Variants in SH3PXD2B observed in about 807,000 individuals in gnomAD.
SH3PXD2B encodes the protein SH3 and PX domain-containing protein 2B.
SH3PXD2B carries 37 observed loss-of-function variants against 73.1 expected under a neutral mutation model. The ratio of observed to expected loss-of-function variants is 0.51; its 90% confidence interval spans 0.39 to 0.67. The LOEUF is 0.67. SH3PXD2B is among the 30% of genes least tolerant of loss of function. SH3PXD2B has a pLI of 0.00. For missense variants in SH3PXD2B, 1,053 were observed against 1,197.8 expected, an observed-to-expected ratio of 0.88 and a Z score of 1.78; for synonymous variants, 457 against 480.5, an observed-to-expected ratio of 0.95 and a Z score of 0.64.
At position 172,341,398 on chromosome 5, in the gene SH3PXD2B, G is replaced by T. The variant is rs1486125810; in HGVS notation, c.1189-1482C>A. Among the ~76,000 whole-genome samples, 3 of 152,140 alleles carry T rather than the reference G, an allele frequency of 2.0e-5. 1 individual carries two copies. Among genetic ancestry groups the T allele is most frequent in the Non-Finnish European group, 4.4e-5 (3 of 68,024 alleles). ...GGGCAGATCCCTCATGAATGGCTTG[G>T]TGTCCTTCCCTTGGTAATGAGTTCC... On this transcript the variant is annotated intron_variant, in intron 12 of 12. Transcript: ENST00000311601.
Position 172,350,212 on chromosome 5 carries a change from T to C in SH3PXD2B, c.1012+151A>G. ...ACGGGCTGAATGATCTGGAATAAGTTACCCGGGGTTTCTGGGCCTCTGTTT... is the reference window on the plus strand; with the variant it reads ...ACGGGCTGAATGATCTGGAATAAGTCACCCGGGGTTTCTGGGCCTCTGTTT... On this transcript the variant is annotated intron_variant, in intron 10 of 12. Transcript: ENST00000311601. The C allele has an allele frequency of 5.6e-6, 4 of 711,152 alleles. No homozygotes were observed. In the South Asian group the frequency reaches 7.5e-5, roughly 13 times the overall value. The allele number at this position is 711,152 out of a possible 1,614,324, so 44.1% of individuals were successfully genotyped here.
At chr5:172,364,215 T>C (rs1043428240) in intron 6 of SH3PXD2B, among the ~76,000 whole-genome samples, 1 of 152,078 alleles carries the variant, frequency 6.6e-6, no homozygotes, top group South Asian at 2.1e-4. Flanking sequence ...GCTGGGTGAC[T>C]TTTAGAGCAG....
chr5:172,454,183 A>C, intron 1 of SH3PXD2B, 95 bp downstream of exon 1: 1 of 1,030,892 alleles, frequency 9.7e-7, no homozygotes, highest in Non-Finnish European at 1.4e-6. Flanking sequence ...AGGGGACGGG[A>C]AGCGCTGGAG....
At chr5:172,344,106 A>G (rs974821662) in intron 12 of SH3PXD2B, among the ~76,000 whole-genome samples, 1 of 152,132 alleles carries the variant, frequency 6.6e-6, no homozygotes, top group African/African-American at 2.4e-5. Context: ...CATCATCATC[A>G]TCATCATCAT....
chr5:172,405,780 T>C (rs1758542817), intron 3 of SH3PXD2B, among the ~76,000 whole-genome samples: 2 of 152,170 alleles, frequency 1.3e-5, no homozygotes, highest in South Asian at 2.1e-4. Flanking sequence ...AGCTATTAAA[T>C]TGGTGGTAAT....
chr5:172,425,000 G>A (rs566241781), intron 1 of SH3PXD2B, among the ~76,000 whole-genome samples: 62 of 152,128 alleles, frequency 4.1e-4, no homozygotes, highest in Non-Finnish European at 5.1e-4. Context: ...TGCGCTCCCC[G>A]TTCCTAGGTA....
chr5:172,410,100 T>G (rs1016241610), intron 2 of SH3PXD2B, among the ~76,000 whole-genome samples: 8 of 152,252 alleles, frequency 5.3e-5, no homozygotes. Flanking sequence ...AGAGCTGCAA[T>G]CAACATGGGA....
At chr5:172,410,014 C>A (rs79314270) in intron 2 of SH3PXD2B, among the ~76,000 whole-genome samples, 1 of 152,204 alleles carries the variant, frequency 6.6e-6, no homozygotes, top group Non-Finnish European at 1.5e-5. Flanking sequence ...CTGTGCCCGG[C>A]CCATACCACA....
At chr5:172,342,688 G>T (rs995418732) in intron 12 of SH3PXD2B, among the ~76,000 whole-genome samples, 1 of 152,190 alleles carries the variant, frequency 6.6e-6, no homozygotes, top group Non-Finnish European at 1.5e-5. Flanking sequence ...TTGAACCTGG[G>T]AGGCAGAGGT....
chr5:172,453,359 T>G, intron 1 of SH3PXD2B, among the ~76,000 whole-genome samples: 1 of 152,274 alleles, frequency 6.6e-6, no homozygotes, highest in Middle Eastern at 3.4e-3. Context: ...CAAGGCCTCA[T>G]GTGGGCCCAT....
chr5:172,368,158 C>T (rs1757568346), intron 6 of SH3PXD2B, among the ~76,000 whole-genome samples: 1 of 151,988 alleles, frequency 6.6e-6, no homozygotes, highest in Non-Finnish European at 1.5e-5. Flanking sequence ...ACAGTCTTCT[C>T]CAGATATGTG....
intron 1 of SH3PXD2B, among the ~76,000 whole-genome samples, chr5:172,440,864 G>A (rs939530432): frequency 2.0e-5 from 3 of 152,122 alleles, no homozygotes; most frequent in Non-Finnish European, 4.4e-5. Flanking sequence ...AGCTAGTTAG[G>A]AGGCTCAGTT....
chr5:172,338,806 T>C lies in SH3PXD2B; in HGVS notation c.2299A>G (p.Lys767Glu), dbSNP rs1756768193. ...VPPRRPPPPK[K>E]TSSSSRPLPE... ...AGCGGCCTGGATGACGAAGAGGTTT[T>C]CTTTGGGGGAGGTGGTCTGCGGGGT... The change falls in exon 13 of 13, where the codon AAA becomes GAA. Residue 767 changes from lysine to glutamate, a missense_variant. Lys to Glu is a moderately conservative substitution (Grantham distance 56). Transcript: ENST00000311601. The surrounding 1 kb of genome is among the most constrained non-coding windows in gnomAD (Gnocchi z 5.1). 3 of 1,614,120 alleles carry C rather than the reference T, an allele frequency of 1.9e-6. No homozygotes were observed. The highest frequency in any genetic ancestry group is 1.7e-5 in the Admixed American group (1 of 60,020).
At position 172,339,035 on chromosome 5, in the gene SH3PXD2B, C is replaced by T. The variant is rs1756776714; in HGVS notation, c.2070G>A (p.Gly690=). Residue 690 remains glycine, a synonymous_variant, in exon 13 of 13, where the codon GGG becomes GGA. Transcript: ENST00000311601. This position sits in a 1 kb window ranked among gnomAD's most constrained non-coding sequence, Gnocchi z 6.1. The stretch of plus-strand genomic sequence containing the variant: ...TTCGGCTGAAGGCCACGTCTTGGCC[C>T]CCTACTGCCTGGGGGCCCTCCCCAT... ...LLDGEGPQAV[G]GQDVAFSRSF... The T allele has an allele frequency of 1.9e-6, 3 of 1,614,062 alleles. No individual in the cohort carries two copies. The highest frequency in any genetic ancestry group is 2.7e-5 in the African/African-American group (2 of 74,952).
At chr5:172,431,055 C>CG (rs1373812760) in intron 1 of SH3PXD2B, among the ~76,000 whole-genome samples, 1 of 152,056 alleles carries the variant, frequency 6.6e-6, no homozygotes. Context: ...TTAATAGAGA[C>CG]GGGGTTTCAC....
chr5:172,384,411 A>G (rs1253378538), intron 4 of SH3PXD2B, among the ~76,000 whole-genome samples: 1 of 152,202 alleles, frequency 6.6e-6, no homozygotes, highest in Admixed American at 6.5e-5. Context: ...ACGGTGCATT[A>G]AGTATTTAAT....
In SH3PXD2B at chr5:172,445,391, G is replaced by GT. The variant is rs1270481754; in HGVS notation, c.75+8886dup. Reference sequence around the variant, plus strand: ...ACCCAGCTAATTTTGTGGATTTTTAGTAGAGATGAGGTCTCACTATGTTCC... The same window carrying GT: ...ACCCAGCTAATTTTGTGGATTTTTAGTTAGAGATGAGGTCTCACTATGTTCC... On this transcript the variant is annotated intron_variant, in intron 1 of 12. Transcript: ENST00000311601. This position sits in a 1 kb window ranked among gnomAD's most constrained non-coding sequence, Gnocchi z 5.2. Among the ~76,000 whole-genome samples the GT allele has an allele frequency of 8.5e-5, 13 of 152,072 alleles. No individual in the cohort carries two copies. Among genetic ancestry groups the GT allele is most frequent in the African/African-American group, 3.1e-4 (13 of 41,402 alleles).
At position 172,337,331 on chromosome 5, in the gene SH3PXD2B, C is replaced by T. The variant is rs1376996498; in HGVS notation, c.*1038G>A. 1.0e-6 allele frequency: 1 copy of T among 985,560 alleles called. No individual in the cohort carries two copies. The highest frequency in any genetic ancestry group is 1.2e-6 in the Non-Finnish European group (1 of 829,992). The allele number at this position is 985,560 out of a possible 1,614,324, so 61.1% of individuals were successfully genotyped here. A position where few individuals can be genotyped will look rare whatever the true frequency, so the allele number is the denominator to read the frequency against. Reference sequence around the variant, plus strand: ...TTTGTCTTTTACAGAGGGGAGGGCACAGGCACTGAAGTCAGGCAGGCCTGG... The same window carrying T: ...TTTGTCTTTTACAGAGGGGAGGGCATAGGCACTGAAGTCAGGCAGGCCTGG... On this transcript the variant is annotated 3_prime_UTR_variant, in exon 13 of 13. Transcript: ENST00000311601.
chr5:172,377,829 T>A (rs980251194), intron 5 of SH3PXD2B, among the ~76,000 whole-genome samples: 2 of 152,198 alleles, frequency 1.3e-5, no homozygotes, highest in African/African-American at 4.8e-5. Flanking sequence ...TGTTTTGTAT[T>A]TTCAGTGGAT....
Sources: gnomAD v4.1 joint callset for allele counts (sites outside exome capture counted in the v4.1 genomes callset) on GRCh38, gnomAD v4.1.1 for gene constraint, Gnocchi (gnomAD v3.1) non-coding constraint, MANE v1.5 for transcripts, NCBI Gene and HGNC (gene_info 2026-07-23, HGNC 2026-07-21) for gene names.